Variants in VWCE observed in about 807,000 individuals in gnomAD.
The protein encoded by VWCE is von Willebrand factor C and EGF domains.
In VWCE, 68 loss-of-function variants were observed where a neutral mutation model predicts 102.9. The observed-to-expected ratio is 0.66, with a 90% CI of 0.54 to 0.81. The LOEUF is 0.81. Among genes scored for constraint, VWCE ranks in the 30% least tolerant of loss-of-function variants. The pLI, the probability that VWCE is intolerant of heterozygous loss-of-function variation, is 0.00. For synonymous variants in VWCE, 497 were observed against 515.4 expected, an observed-to-expected ratio of 0.96 and a Z score of 0.48; for missense variants, 1,137 against 1,263.6, an observed-to-expected ratio of 0.90 and a Z score of 1.52.
chr11:61,274,613 A>G (rs1854847672), intron 11 of VWCE, 29 bp from the exon 12 acceptor site: 1 of 1,610,484 alleles, frequency 6.2e-7, no homozygotes. Flanking sequence ...GAAGCAACTC[A>G]AGGTCTTTGG....
At chr11:61,271,522 C>G in intron 14 of VWCE, 153 bp downstream of exon 14, 1 of 678,564 alleles carries the variant, frequency 1.5e-6, no homozygotes, top group South Asian at 1.7e-5. Context: ...TAAACTCGGT[C>G]CAACCCTTTT....
intron 15 of VWCE, 119 bp from the exon 16 acceptor site, chr11:61,267,663 G>T: frequency 1.2e-6 from 1 of 860,016 alleles, no homozygotes; most frequent in Non-Finnish European, 1.9e-6. Context: ...GCCTCCCCAG[G>T]CAGTCACCCT....
At chr11:61,267,249 GAACAAGGCTCCATCTCAAA>G (rs1238873429) in intron 16 of VWCE, among the ~76,000 whole-genome samples, 194 bp downstream of exon 16, 2 of 152,106 alleles carry the variant, frequency 1.3e-5, no homozygotes, top group Admixed American at 1.3e-4. Flanking sequence ...CTGGGTGACA[GAACAAGGCTCCATCTCAAA>G]AACAAACAAA....
chr11:61,292,374 C>T (rs1855533243), intron 1 of VWCE, among the ~76,000 whole-genome samples: 1 of 152,184 alleles, frequency 6.6e-6, no homozygotes, highest in South Asian at 2.1e-4. Flanking sequence ...ACAACATTTA[C>T]TTCCTGTGAC....
chr11:61,280,668 TG>T lies in VWCE; in HGVS notation c.1279del (p.His427ThrfsTer73). On this transcript the variant is annotated frameshift_variant, in exon 9 of 20. Coordinates refer to ENST00000335613, the MANE Select transcript of VWCE (RefSeq NM_152718.2). LOFTEE classifies it high-confidence loss of function. The part of the protein sequence containing the change: ...EKVRCEAACS[H>X]PIPSRDGGCC... ...CCCACCATCTCTGGAGGGAATTGGG[TG>T]GGAACAAGCAGCTTCACACCTCACC... 1 of 1,613,740 alleles carries T rather than the reference TG, an allele frequency of 6.2e-7. No homozygotes were observed. Among genetic ancestry groups the T allele is most frequent in the Non-Finnish European group, 8.5e-7 (1 of 1,179,950 alleles).
chr11:61,281,176 T>A lies in VWCE; in HGVS notation c.847A>T (p.Lys283Ter). Reference sequence around the variant, plus strand: ...GCCTCAGGAAGCAACAGAAGCATCTTGGACGGGTGTTGCCGGGGTTGCAGG... The same window carrying A: ...GCCTCAGGAAGCAACAGAAGCATCTAGGACGGGTGTTGCCGGGGTTGCAGG... ...AILQPRQHPS[K>*]MLLLLPEAGR... Residue 283 changes from lysine to a stop codon, truncating the protein, a stop_gained, in exon 8 of 20, where the codon AAG becomes TAG. Coordinates refer to ENST00000335613, the MANE Select transcript of VWCE (RefSeq NM_152718.2). LOFTEE classifies it high-confidence loss of function. The A allele has an allele frequency of 6.2e-7, 1 of 1,613,486 alleles. No homozygotes were observed. The highest frequency in any genetic ancestry group is 8.5e-7 in the Non-Finnish European group (1 of 1,179,978).
At chr11:61,293,456 AGAG>A (rs1367958745) in intron 1 of VWCE, among the ~76,000 whole-genome samples, 1 of 151,272 alleles carries the variant, frequency 6.6e-6, no homozygotes, top group African/African-American at 2.4e-5. Flanking sequence ...CAGCAAAAGA[AGAG>A]GAAGGGAGAG....
At chr11:61,286,270 C>T (rs1389538792) in intron 5 of VWCE, 44 bp downstream of exon 5, 1 of 1,569,976 alleles carries the variant, frequency 6.4e-7, no homozygotes, top group Non-Finnish European at 8.7e-7. Context: ...ATGTGGCATC[C>T]CCATTACCCC....
chr11:61,268,412 G>C (rs1423978410), intron 15 of VWCE, among the ~76,000 whole-genome samples: 1 of 152,146 alleles, frequency 6.6e-6, no homozygotes, highest in Non-Finnish European at 1.5e-5. Context: ...AAATTAGCCA[G>C]GCATGGTGGT....
Position 61,291,346 on chromosome 11 carries a change from G to A in VWCE, c.213C>T (p.Cys71=). Residue 71 remains cysteine, a synonymous_variant, in exon 3 of 20, where the codon TGC becomes TGT. Transcript: ENST00000335613. ...AGATGCCACTCCCACAGCCGAAGGA[G>A]CAGAGGGCTGAGAGGAGAAGTGCAG... ...MGGGHCTLPL[C]SFGCGSGICI... is the part of the protein sequence containing the mutation. 6.2e-7 allele frequency: 1 copy of A among 1,613,018 alleles called. No homozygotes were observed. The highest frequency in any genetic ancestry group is 1.1e-5 in the South Asian group (1 of 90,674).
intron 19 of VWCE, among the ~76,000 whole-genome samples, chr11:61,259,758 A>C (rs1416294493): frequency 1.3e-5 from 2 of 152,176 alleles, no homozygotes; most frequent in African/African-American, 2.4e-5. Context: ...GTGGAGTCTG[A>C]GGCATATGGG....
intron 13 of VWCE, 63 bp downstream of exon 13, chr11:61,273,136 T>C: frequency 6.5e-7 from 1 of 1,527,150 alleles, no homozygotes; most frequent in Non-Finnish European, 9.1e-7. Flanking sequence ...CAGCAGCAGG[T>C]GAAGCTCAGC....
At chr11:61,286,006 G>C (rs919810424) in intron 5 of VWCE, among the ~76,000 whole-genome samples, 2 of 152,166 alleles carry the variant, frequency 1.3e-5, no homozygotes, top group Admixed American at 6.5e-5. Flanking sequence ...CTCCCGCCTT[G>C]ACCTCCCAAA....
rs75864807 is a variant in VWCE, at chr11:61,273,283, G to T, written c.1615C>A (p.Pro539Thr). The part of the protein sequence containing the change: ...GEVECSFMPC[P>T]ELACPREEWR... ...TCTTCTCGGGGGCAGGCCAGCTCAG[G>T]GCAGGGCATGAAGGAGCACTCCACC... The change falls in exon 13 of 20, where the codon CCT (proline) becomes ACT (threonine). Residue 539 changes from proline (P) to threonine (T), a missense_variant. By Grantham distance (38) the Pro-to-Thr change is conservative (BLOSUM62 -1). This residue lies in a region of VWCE where 212 missense variants were observed against 235.1 expected (regional missense o/e 0.90). Transcript: ENST00000335613. The T allele has an allele frequency of 6.2e-7, 1 of 1,613,672 alleles. No homozygotes were observed. The highest frequency in any genetic ancestry group is 1.1e-5 in the South Asian group (1 of 91,014).
intron 12 of VWCE, chr11:61,273,903 T>G (rs1454525711): frequency 6.5e-6 from 1 of 154,826 alleles, no homozygotes; most frequent in Non-Finnish European, 1.4e-5. Context: ...AGACCACACC[T>G]TCACCCTGCT....
At chr11:61,262,588 G>C (rs977355301) in intron 19 of VWCE, among the ~76,000 whole-genome samples, 3 of 152,182 alleles carry the variant, frequency 2.0e-5, no homozygotes, top group Non-Finnish European at 4.4e-5. Context: ...TGGTTACAAT[G>C]AAGTACAATC....
intron 15 of VWCE, among the ~76,000 whole-genome samples, chr11:61,267,846 G>A (rs1244643681): frequency 1.3e-5 from 2 of 152,092 alleles, no homozygotes; most frequent in African/African-American, 4.8e-5. Context: ...TGGAAGAACT[G>A]GGAAATACGA....
At position 61,273,525 on chromosome 11, in the gene VWCE, T is replaced by G. The variant is rs141931768; in HGVS notation, c.1582-209A>C. Among the ~76,000 whole-genome samples, 530 of 152,100 alleles carry G rather than the reference T, an allele frequency of 3.5e-3. 1 individual carries two copies. The highest frequency in any genetic ancestry group is 0.012 in the African/African-American group (502 of 41,472). The stretch of plus-strand genomic sequence containing the variant: ...GAACTGGGAGTCCTTCAATGGGGGC[T>G]GGGTGTGAGCCCAGGAGGGCATCCT... On this transcript the variant is annotated intron_variant, in intron 12 of 19. Coordinates refer to ENST00000335613, the MANE Select transcript of VWCE (RefSeq NM_152718.2).
chr11:61,277,869 C>T (rs955296218), intron 10 of VWCE, among the ~76,000 whole-genome samples: 4 of 151,948 alleles, frequency 2.6e-5, no homozygotes, highest in Non-Finnish European at 4.4e-5. Context: ...GACAGAGGCT[C>T]GCTCTGTCGC....
Sources: allele counts gnomAD v4.1 joint callset (sites outside exome capture counted in the v4.1 genomes callset), GRCh38; gene constraint gnomAD v4.1.1; regional missense constraint gnomAD v4.1.1; transcripts MANE v1.5; gene names NCBI Gene and HGNC (gene_info 2026-07-23, HGNC 2026-07-21).